Variants in RMDN2 observed in about 807,000 individuals in gnomAD.
The protein encoded by RMDN2 is regulator of microtubule dynamics protein 2.
A neutral mutation model predicts 52.8 loss-of-function variants in RMDN2; 61 were observed. The ratio of observed to expected loss-of-function variants is 1.16; its 90% CI spans 0.94 to 1.43. The LOEUF is 1.43. Ranked by LOEUF, RMDN2 falls within the 40% of genes most tolerant of loss-of-function variation. The pLI, the probability that RMDN2 is intolerant of heterozygous loss-of-function variation, is 0.00. For missense variants in RMDN2, 592 were observed against 475.3 expected (o/e 1.25, Z -2.28); for synonymous variants, 180 against 153.1 (o/e 1.18, Z -1.30).
At chr2:37,930,148 A>G (rs1004030644) in intron 2 of RMDN2, among the ~76,000 whole-genome samples, 28 of 152,248 alleles carry the variant, frequency 1.8e-4, no homozygotes, top group Non-Finnish European at 8.8e-5. Flanking sequence ...TCTGGCCACA[A>G]AGCACATGAA....
At chr2:38,006,178 C>A (rs1031809952) in intron 10 of RMDN2, among the ~76,000 whole-genome samples, 34 of 152,262 alleles carry the variant, frequency 2.2e-4, no homozygotes, top group Non-Finnish European at 3.8e-4. Context: ...ATTGACTTGG[C>A]AATGTGGGCT....
chr2:37,991,212 T>G lies in RMDN2; in HGVS notation c.868-8T>G, dbSNP rs1281941769. Reference sequence around the variant, plus strand: ...GGGAGATGATTTTCCTTTGGATGCTTTTTTCAGGAACATCTAGATATAGCA... The same window carrying G: ...GGGAGATGATTTTCCTTTGGATGCTGTTTTCAGGAACATCTAGATATAGCA... On this transcript the variant is annotated splice_region_variant and splice_polypyrimidine_tract_variant and intron_variant, in intron 6 of 10. Transcript: ENST00000354545. 1 of 1,543,202 alleles carries G rather than the reference T, an allele frequency of 6.5e-7. No individual in the cohort carries two copies. Among genetic ancestry groups the G allele is most frequent in the Admixed American group, 1.9e-5 (1 of 51,560 alleles).
At chr2:38,019,384 A>T (rs985632771), downstream of RMDN2, among the ~76,000 whole-genome samples, 1 of 152,196 alleles carries the variant, frequency 6.6e-6, no homozygotes, top group Admixed American at 6.5e-5. Context: ...TAACAAAATT[A>T]TTGTTTCTCA....
intron 2 of RMDN2, among the ~76,000 whole-genome samples, chr2:37,958,808 T>G (rs1043075709): frequency 5.3e-5 from 8 of 150,882 alleles, no homozygotes; most frequent in Non-Finnish European, 1.0e-4. Context: ...TTCAGAGATG[T>G]TCCCTCAATA....
chr2:38,038,148 C>T (rs554139438), intron 10 of RMDN2, among the ~76,000 whole-genome samples: 18 of 152,194 alleles, frequency 1.2e-4, no homozygotes, highest in Admixed American at 1.1e-3. Context: ...TTCCAGGCTC[C>T]ATTTCAGCCA....
At chr2:37,980,737 C>T (rs1272978916) in intron 4 of RMDN2, among the ~76,000 whole-genome samples, 1 of 151,882 alleles carries the variant, frequency 6.6e-6, no homozygotes, top group Non-Finnish European at 1.5e-5. Flanking sequence ...CCTTCCCTTA[C>T]TCCTTCAGGC....
downstream of RMDN2, among the ~76,000 whole-genome samples, chr2:38,020,867 A>G (rs1055492877): frequency 2.0e-5 from 3 of 151,546 alleles, no homozygotes; most frequent in Non-Finnish European, 2.9e-5. Context: ...GCGCAATTCC[A>G]TCGACCACCC....
At chr2:37,985,101 T>C (rs1244129982) in intron 5 of RMDN2, among the ~76,000 whole-genome samples, 2 of 152,180 alleles carry the variant, frequency 1.3e-5, no homozygotes, top group African/African-American at 4.8e-5. Flanking sequence ...TTTCATATTA[T>C]GGTATTTATA....
At chr2:38,067,005 A>G (rs1682311894) in exon 11 of RMDN2, 1 of 1,613,636 alleles carries the variant, frequency 6.2e-7, no homozygotes, top group Non-Finnish European at 8.5e-7. Context: ...GAAGATAAAG[A>G]GCCTTTGGTA....
In RMDN2 at chr2:37,976,098, A is replaced by G. The variant is rs1002535401; in HGVS notation, c.730+784A>G. Among the ~76,000 whole-genome samples, 4 of 152,236 alleles carry G rather than the reference A, an allele frequency of 2.6e-5. No homozygotes were observed. In the South Asian group the frequency reaches 8.3e-4, roughly 31 times the overall value. ...AGACTTTAATGTTTTTTCCAAATGTATCTTGATGAAACAAGATTAACCTTG... is the reference window on the plus strand; with the variant it reads ...AGACTTTAATGTTTTTTCCAAATGTGTCTTGATGAAACAAGATTAACCTTG... On this transcript the variant is annotated intron_variant, in intron 4 of 10. Coordinates refer to ENST00000354545, the MANE Select transcript of RMDN2 (RefSeq NM_001170791.3).
chr2:37,976,505 AG>A (rs1672484183), intron 4 of RMDN2: 1 of 152,228 alleles, frequency 6.6e-6, no homozygotes, highest in African/African-American at 2.4e-5. Flanking sequence ...CCAAGTAGAA[AG>A]TTTTACCAAA....
intron 2 of RMDN2, among the ~76,000 whole-genome samples, chr2:37,961,535 C>T (rs1670238740): frequency 6.6e-6 from 1 of 151,834 alleles, no homozygotes; most frequent in South Asian, 2.1e-4. Context: ...TTTTTCAACT[C>T]CATCAGGTCA....
At chr2:38,058,607 C>G (rs1486635570) in intron 10 of RMDN2, among the ~76,000 whole-genome samples, 2 of 152,188 alleles carry the variant, frequency 1.3e-5, no homozygotes, top group African/African-American at 2.4e-5. Flanking sequence ...CTTTGAATTT[C>G]CTTGTTTGGA....
chr2:38,015,309 A>G (rs560769364), intron 10 of RMDN2, among the ~76,000 whole-genome samples: 7 of 152,304 alleles, frequency 4.6e-5, no homozygotes, highest in African/African-American at 1.4e-4. Flanking sequence ...GCTCACAGCT[A>G]TAATCCCAGC....
rs3056282 is a variant in RMDN2 at position 37,995,322 on chromosome 2, GACTACTACTACT to G, written c.946-2061_946-2050del. On this transcript the variant is annotated intron_variant, in intron 7 of 10. Coordinates refer to ENST00000354545, the MANE Select transcript of RMDN2 (RefSeq NM_001170791.3). ...ATATACCCCCTGAAGAAGAGGGGAT[GACTACTACTACT>G]ACTACTACTACTACTACTACTACTA... Among the ~76,000 whole-genome samples the G allele has an allele frequency of 1.0e-3, 153 of 147,214 alleles. 1 individual carries two copies. Among genetic ancestry groups the G allele is most frequent in the Middle Eastern group, 3.5e-3 (1 of 284 alleles).
At chr2:37,981,489 CT>C in intron 5 of RMDN2, 146 bp downstream of exon 5, 1 of 580,574 alleles carries the variant, frequency 1.7e-6, no homozygotes, top group Non-Finnish European at 3.1e-6. Context: ...AGTAACTGTT[CT>C]TATTCTGTTT....
At chr2:37,989,702 C>G (rs946370707) in intron 6 of RMDN2, 86 bp downstream of exon 6, 7 of 864,804 alleles carry the variant, frequency 8.1e-6, no homozygotes, top group Non-Finnish European at 1.3e-5. Flanking sequence ...TTTAATGTAG[C>G]CATATGTTCC....
chr2:38,062,285 G>A (rs922911670), intron 10 of RMDN2, among the ~76,000 whole-genome samples: 4 of 152,098 alleles, frequency 2.6e-5, no homozygotes, highest in African/African-American at 9.7e-5. Flanking sequence ...TGACACTTTT[G>A]TCTCTCAGAG....
At chr2:37,936,590 T>C (rs1667307419) in intron 2 of RMDN2, among the ~76,000 whole-genome samples, 1 of 152,256 alleles carries the variant, frequency 6.6e-6, no homozygotes, top group African/African-American at 2.4e-5. Context: ...CCATTCTAAC[T>C]TGTATAAGAT....
Sources: gnomAD v4.1 joint callset for allele counts (sites outside exome capture counted in the v4.1 genomes callset) on GRCh38, gnomAD v4.1.1 for gene constraint, MANE v1.5 for transcripts, NCBI Gene and HGNC (gene_info 2026-07-23, HGNC 2026-07-21) for gene names.